SERPINI1: variants seen among roughly 807,000 people sequenced by gnomAD.
SERPINI1 encodes the protein serpin family I member 1.
A neutral mutation model predicts 41.1 loss-of-function variants in SERPINI1; 19 were observed. The observed-to-expected ratio is 0.46, with a 90% CI of 0.32 to 0.68. SERPINI1 has a LOEUF of 0.68. Among genes scored for constraint, SERPINI1 ranks in the 30% least tolerant of loss-of-function variants. The pLI is 0.03. For missense variants in SERPINI1, 460 were observed against 479.2 expected, an observed-to-expected ratio of 0.96 and a Z score of 0.37; for synonymous variants, 138 against 156.6, an observed-to-expected ratio of 0.88 and a Z score of 0.89.
intron 8 of SERPINI1, among the ~76,000 whole-genome samples, chr3:167,824,816 A>C (rs1712459315): frequency 6.6e-6 from 1 of 152,068 alleles, no homozygotes; most frequent in Admixed American, 6.6e-5. Context: ...GGCAGGGAGG[A>C]TCACTTGAGG....
chr3:167,788,405 A>G (rs952560441), intron 1 of SERPINI1, among the ~76,000 whole-genome samples: 1 of 152,220 alleles, frequency 6.6e-6, no homozygotes, highest in Non-Finnish European at 1.5e-5. Context: ...ATGGTAACAT[A>G]AGCCTGAATA....
chr3:167,798,504 G>A (rs548262806), intron 5 of SERPINI1, among the ~76,000 whole-genome samples: 1 of 152,190 alleles, frequency 6.6e-6, no homozygotes, highest in Non-Finnish European at 1.5e-5. Context: ...GTTTGATAAT[G>A]GTAATGATTT....
chr3:167,819,772 A>G (rs1044092422), intron 6 of SERPINI1, among the ~76,000 whole-genome samples: 4 of 152,234 alleles, frequency 2.6e-5, no homozygotes, highest in African/African-American at 9.7e-5. Context: ...TACAAAGTCT[A>G]ACTAAGCAAC....
chr3:167,780,756 T>G lies in SERPINI1; in HGVS notation c.-18-8355T>G, dbSNP rs184734474. On this transcript the variant is annotated intron_variant, in intron 1 of 8. Coordinates refer to ENST00000446050, the MANE Select transcript of SERPINI1 (RefSeq NM_001122752.2). ...CATTCTCTTCTGCATACACAGTACT[T>G]TTTCTGTTCACTTCTGCCATCACAG... is the stretch of plus-strand genomic sequence containing the variant. 1.4e-4 allele frequency among the ~76,000 whole-genome samples: 22 copies of G among 152,284 alleles called. No homozygotes were observed. In the East Asian group the frequency reaches 4.2e-3, roughly 29 times the overall value.
rs1370761997 is a variant in SERPINI1 at position 167,825,263 on chromosome 3, G to A, written c.1173G>A (p.Met391Ile). 1.2e-5 allele frequency: 19 copies of A among 1,612,488 alleles called. No homozygotes were observed. Among genetic ancestry groups the A allele is most frequent in the Non-Finnish European group, 1.5e-5 (18 of 1,178,734 alleles). ...RNRRTGTILF[M>I]GRVMHPETMN... is the part of the protein sequence containing the mutation. ...CCAATACAGGTACAATTCTATTCAT[G>A]GGACGAGTCATGCATCCTGAAACAA... is the stretch of plus-strand genomic sequence containing the variant. Residue 391 changes from methionine (M) to isoleucine (I), a missense_variant, in exon 9 of 9, where the codon ATG (methionine) becomes ATA (isoleucine). Physicochemically the swap from Met to Ile is conservative, Grantham distance 10. Coordinates refer to ENST00000446050, the MANE Select transcript of SERPINI1 (RefSeq NM_001122752.2).
At chr3:167,771,199 C>T (rs1726737597) in intron 1 of SERPINI1, among the ~76,000 whole-genome samples, 1 of 152,118 alleles carries the variant, frequency 6.6e-6, no homozygotes, top group Admixed American at 6.6e-5. Flanking sequence ...TAATTGCCCA[C>T]CTGTGAAATG....
At chr3:167,785,954 T>G (rs1727289310) in intron 1 of SERPINI1, among the ~76,000 whole-genome samples, 1 of 152,080 alleles carries the variant, frequency 6.6e-6, no homozygotes, top group Non-Finnish European at 1.5e-5. Context: ...AAATGAGTCA[T>G]TAGGCAATTT....
chr3:167,798,856 G>A (rs557769428), intron 5 of SERPINI1, among the ~76,000 whole-genome samples: 42 of 152,104 alleles, frequency 2.8e-4, no homozygotes, highest in Admixed American at 9.2e-4. Flanking sequence ...AGACGGAAAG[G>A]GGGCAAGGGT....
At chr3:167,768,980 T>G (rs1055330301) in intron 1 of SERPINI1, among the ~76,000 whole-genome samples, 2 of 150,130 alleles carry the variant, frequency 1.3e-5, no homozygotes, top group Non-Finnish European at 3.0e-5. Flanking sequence ...AATTTTGTTC[T>G]TTTGTTTGTT....
At chr3:167,747,939 T>G (rs1009298190) in intron 1 of SERPINI1, among the ~76,000 whole-genome samples, 3 of 150,246 alleles carry the variant, frequency 2.0e-5, no homozygotes, top group East Asian at 1.9e-4. Context: ...GTTTTGTTGT[T>G]TTTTTTTTAA....
chr3:167,749,036 C>T (rs1231351806), intron 1 of SERPINI1, among the ~76,000 whole-genome samples: 1 of 152,040 alleles, frequency 6.6e-6, no homozygotes, highest in Non-Finnish European at 1.5e-5. Context: ...AAACGTAAAG[C>T]ATTTAAATCT....
At chr3:167,769,136 G>A (rs1726659573) in intron 1 of SERPINI1, among the ~76,000 whole-genome samples, 1 of 152,120 alleles carries the variant, frequency 6.6e-6, no homozygotes, top group South Asian at 2.1e-4. Flanking sequence ...TGGGACTACA[G>A]GTGCACACCA....
chr3:167,780,407 A>G (rs1727083707), intron 1 of SERPINI1, among the ~76,000 whole-genome samples: 1 of 152,166 alleles, frequency 6.6e-6, no homozygotes, highest in Admixed American at 6.5e-5. Context: ...TTGATAGCTT[A>G]CCGCCTAAGC....
chr3:167,777,715 C>G (rs9842168), intron 1 of SERPINI1, among the ~76,000 whole-genome samples: 68,540 of 152,054 alleles, frequency 0.45, 16,436 homozygotes, highest in African/African-American at 0.62. Context: ...ATTCTAGGGA[C>G]TGTTGGCACT....
At chr3:167,774,518 A>G (rs555557666) in intron 1 of SERPINI1, among the ~76,000 whole-genome samples, 11 of 152,278 alleles carry the variant, frequency 7.2e-5, no homozygotes, top group Admixed American at 3.3e-4. Flanking sequence ...GAGGTCCCCA[A>G]TCCCTGGGCC....
At chr3:167,809,611 A>G (rs1012130629) in intron 6 of SERPINI1, among the ~76,000 whole-genome samples, 11 of 152,206 alleles carry the variant, frequency 7.2e-5, no homozygotes, top group Admixed American at 5.9e-4. Flanking sequence ...TAACACTAGA[A>G]TCTTCCAGAG....
At chr3:167,803,475 G>A (rs148792039) in intron 5 of SERPINI1, among the ~76,000 whole-genome samples, 6 of 152,026 alleles carry the variant, frequency 3.9e-5, no homozygotes, top group African/African-American at 1.4e-4. Flanking sequence ...TGATATTAAT[G>A]GTATCTACTC....
At chr3:167,807,033 A>T (rs970978865) in intron 5 of SERPINI1, among the ~76,000 whole-genome samples, 3 of 152,080 alleles carry the variant, frequency 2.0e-5, no homozygotes, top group African/African-American at 7.2e-5. Context: ...TTTCCTACTT[A>T]TGTGTTTAAA....
chr3:167,818,012 A>G (rs573299139), intron 6 of SERPINI1, among the ~76,000 whole-genome samples: 1 of 142,246 alleles, frequency 7.0e-6, no homozygotes, highest in South Asian at 2.1e-4. Context: ...AGATGGAAAT[A>G]TTTTGGTTGT....
Sources: gnomAD v4.1 joint callset for allele counts (sites outside exome capture counted in the v4.1 genomes callset) on GRCh38, gnomAD v4.1.1 for gene constraint, MANE v1.5 for transcripts, NCBI Gene and HGNC (gene_info 2026-07-23, HGNC 2026-07-21) for gene names.